The following TMEM178B variants were observed in gnomAD, a reference collection of about 807,000 sequenced individuals.
TMEM178B encodes the protein transmembrane protein 178B.
Under a neutral mutation model 31.0 loss-of-function variants are expected in TMEM178B, and 5 were observed. The ratio of observed to expected loss-of-function variants is 0.16; its 90% CI spans 0.08 to 0.34. TMEM178B has a LOEUF of 0.34. Among genes scored for constraint, TMEM178B ranks in the 10% least tolerant of loss-of-function variants. The probability of loss-of-function intolerance (pLI) is 1.00; values close to 1 mark genes in which losing one functional copy is unlikely to be tolerated. For missense variants in TMEM178B, 275 were observed against 400.3 expected (o/e 0.69, Z 2.67); for synonymous variants, 164 against 164.0 (o/e 1.00, Z 0.00).
In TMEM178B at chr7:141,477,934, A is replaced by G. The variant is rs916601485; in HGVS notation, c.*7148A>G. ...ATTCCTTTTCCCACCCACTTTGACG[A>G]TCTCATTTTACTATCAGTCTCTACT... is the stretch of plus-strand genomic sequence containing the variant. On this transcript the variant is annotated 3_prime_UTR_variant, in exon 4 of 4. Transcript: ENST00000565468. 1.3e-5 allele frequency: 2 copies of G among 152,126 alleles called. No homozygotes were observed. Among genetic ancestry groups the G allele is most frequent in the Non-Finnish European group, 2.9e-5 (2 of 68,060 alleles). 9.4% of individuals were successfully genotyped at this position (152,126 alleles called of 1,614,324 possible).
At chr7:141,187,984 T>C (rs1377757305) in intron 1 of TMEM178B, among the ~76,000 whole-genome samples, 3 of 152,182 alleles carry the variant, frequency 2.0e-5, no homozygotes. Context: ...TTGTTGCCAT[T>C]GCTTTTGGTG....
At chr7:141,418,270 G>A (rs1021722400) in intron 2 of TMEM178B, among the ~76,000 whole-genome samples, 4 of 152,024 alleles carry the variant, frequency 2.6e-5, no homozygotes, top group Non-Finnish European at 5.9e-5. Flanking sequence ...ATACTAGTTA[G>A]GAGTGACTTT....
At chr7:141,136,152 A>G (rs895744146) in intron 1 of TMEM178B, among the ~76,000 whole-genome samples, 1 of 152,186 alleles carries the variant, frequency 6.6e-6, no homozygotes, top group Non-Finnish European at 1.5e-5. Context: ...AGTAACCAAA[A>G]CAACTTGGTG....
chr7:141,425,782 A>G lies in TMEM178B; in HGVS notation c.497-11826A>G, dbSNP rs550443653. On this transcript the variant is annotated intron_variant, in intron 2 of 3. Transcript: ENST00000565468. ...TGTTTTGACAATGGATTTGATTTGT[A>G]TATGTCAGCCTCATATAATATCCCT... Among the ~76,000 whole-genome samples, 185 of 152,294 alleles carry G rather than the reference A, an allele frequency of 1.2e-3. No individual in the cohort carries two copies. The Middle Eastern group carries it at 0.014, about 11-fold the overall frequency.
intron 2 of TMEM178B, among the ~76,000 whole-genome samples, chr7:141,378,066 T>C (rs971808715): frequency 1.3e-5 from 2 of 152,224 alleles, no homozygotes; most frequent in African/African-American, 4.8e-5. Context: ...TCTCCTCTGG[T>C]TGGTGCCAGT....
chr7:141,324,893 A>G (rs1013117576), intron 2 of TMEM178B, among the ~76,000 whole-genome samples: 5 of 152,164 alleles, frequency 3.3e-5, no homozygotes, highest in African/African-American at 1.2e-4. Context: ...ATTAGCTCCT[A>G]GCCACACTCT....
At chr7:141,291,229 C>T (rs1265598973) in intron 2 of TMEM178B, among the ~76,000 whole-genome samples, 1 of 152,100 alleles carries the variant, frequency 6.6e-6, no homozygotes. Flanking sequence ...ACTCGATTAC[C>T]TCAACCAAAA....
chr7:141,459,946 G>GA lies in TMEM178B; in HGVS notation c.635-10574dup, dbSNP rs772210040. ...ACCTGGGTGAGGGAGAATAGATGGAGAAAAAAAAAAAAAAAAGAACACAAG... is the reference window on the plus strand; with the variant it reads ...ACCTGGGTGAGGGAGAATAGATGGAGAAAAAAAAAAAAAAAAAGAACACAAG... On this transcript the variant is annotated intron_variant, in intron 3 of 3. Coordinates refer to ENST00000565468, the MANE Select transcript of TMEM178B (RefSeq NM_001195278.2). 3.8e-3 allele frequency among the ~76,000 whole-genome samples: 446 copies of GA among 116,922 alleles called. 1 individual carries two copies. Among genetic ancestry groups the GA allele is most frequent in the African/African-American group, 9.6e-3 (307 of 32,030 alleles). 76.7% of individuals were successfully genotyped at this position (116,922 alleles called of 152,430 possible). A position where few individuals can be genotyped will look rare whatever the true frequency, so the allele number is the denominator to read the frequency against.
chr7:141,238,788 C>T (rs538394355), intron 2 of TMEM178B, among the ~76,000 whole-genome samples: 26 of 152,246 alleles, frequency 1.7e-4, no homozygotes, highest in Middle Eastern at 3.4e-3. Flanking sequence ...TGACCAACAG[C>T]GAGAGTGCTG....
At chr7:141,336,912 C>T (rs1799405989) in intron 2 of TMEM178B, among the ~76,000 whole-genome samples, 3 of 78,732 alleles carry the variant, frequency 3.8e-5, no homozygotes, top group African/African-American at 1.8e-4. Context: ...ACCATCATCA[C>T]CACCACCACC....
chr7:141,074,244 C>T lies in TMEM178B; in HGVS notation c.-67C>T, dbSNP rs1043439823. 1 of 1,448,202 alleles carries T rather than the reference C, an allele frequency of 6.9e-7. No homozygotes were observed. Among genetic ancestry groups the T allele is most frequent in the Non-Finnish European group, 9.1e-7 (1 of 1,102,942 alleles). 89.7% of individuals were successfully genotyped at this position (1,448,202 alleles called of 1,614,324 possible). A position where few individuals can be genotyped will look rare whatever the true frequency, so the allele number is the denominator to read the frequency against. ...CAGCTCGGCCGCCCGCCGCTTTGTT[C>T]CGGGTGCGGCGAGGGAAGGCGAGGC... is the stretch of plus-strand genomic sequence containing the variant. On this transcript the variant is annotated 5_prime_UTR_variant, in exon 1 of 4. Coordinates refer to ENST00000565468, the MANE Select transcript of TMEM178B (RefSeq NM_001195278.2). This position sits in a 1 kb window ranked among gnomAD's most constrained non-coding sequence, Gnocchi z 5.1.
chr7:141,276,572 A>G (rs1041831598), intron 2 of TMEM178B, among the ~76,000 whole-genome samples: 2 of 152,020 alleles, frequency 1.3e-5, no homozygotes, highest in Admixed American at 1.3e-4. Context: ...CTCGCTCACT[A>G]TCATGAGAGC....
At chr7:141,076,150 C>G (rs567914879) in intron 1 of TMEM178B, among the ~76,000 whole-genome samples, 1 of 152,166 alleles carries the variant, frequency 6.6e-6, no homozygotes, top group Non-Finnish European at 1.5e-5. Flanking sequence ...GGAGCACTAC[C>G]ACTTTGTAAA....
At chr7:141,278,812 C>A (rs1182227998) in intron 2 of TMEM178B, among the ~76,000 whole-genome samples, 8 of 151,962 alleles carry the variant, frequency 5.3e-5, no homozygotes, top group Non-Finnish European at 1.0e-4. Flanking sequence ...AAAGAGAGGA[C>A]TGAAGGGTGA....
intron 2 of TMEM178B, among the ~76,000 whole-genome samples, chr7:141,351,602 G>A (rs534685910): frequency 6.6e-6 from 1 of 152,346 alleles, no homozygotes; most frequent in South Asian, 2.1e-4. Context: ...GTCACCTTTG[G>A]AGGAATATGG....
At chr7:141,503,387 G>A in the TMEM178B span, among the ~76,000 whole-genome samples, 6 of 152,346 alleles carry the variant, frequency 3.9e-5, no homozygotes, top group East Asian at 9.6e-4. Context: ...TGGTGCCAAA[G>A]CCTATGCTGG....
intron 2 of TMEM178B, among the ~76,000 whole-genome samples, chr7:141,250,474 G>A (rs1797812705): frequency 6.6e-6 from 1 of 152,148 alleles, no homozygotes. Flanking sequence ...CGTGTAATTG[G>A]GACAGGACCA....
intron 2 of TMEM178B, among the ~76,000 whole-genome samples, chr7:141,263,948 A>G (rs966488385): frequency 8.5e-5 from 13 of 152,236 alleles, no homozygotes; most frequent in Admixed American, 2.6e-4. Flanking sequence ...GCACATAGGG[A>G]AGAATTCAGG....
chr7:141,437,605 C>T lies in TMEM178B; in HGVS notation c.497-3C>T, dbSNP rs1801570508. 2.6e-6 allele frequency: 4 copies of T among 1,535,918 alleles called. No individual in the cohort carries two copies. The African/African-American group carries it at 5.5e-5, about 21-fold the overall frequency. The stretch of plus-strand genomic sequence containing the variant: ...TGACTGTTGCTCGCCTGCTTCCCCA[C>T]AGACCTGCGCAGAATGACGGCTGGC... On this transcript the variant is annotated splice_region_variant and splice_polypyrimidine_tract_variant and intron_variant, in intron 2 of 3. Transcript: ENST00000565468.
Sources: allele counts gnomAD v4.1 joint callset (sites outside exome capture counted in the v4.1 genomes callset), GRCh38; gene constraint gnomAD v4.1.1; non-coding constraint Gnocchi (gnomAD v3.1); transcripts MANE v1.5; gene names NCBI Gene and HGNC (gene_info 2026-07-23, HGNC 2026-07-21).